Variants in ZNF646 observed in about 807,000 individuals in gnomAD.
ZNF646 encodes the protein zinc finger protein 646.
A neutral mutation model predicts 115.4 loss-of-function variants in ZNF646; 49 were observed. That is an observed-to-expected ratio of 0.42 (90% CI 0.34 to 0.54). ZNF646 has a LOEUF of 0.54. Among genes scored for constraint, ZNF646 ranks in the 20% least tolerant of loss-of-function variants. ZNF646 has a pLI of 0.04. For synonymous variants in ZNF646, 933 were observed against 939.0 expected, an observed-to-expected ratio of 0.99 and a Z score of 0.12; for missense variants, 2,269 against 2,457.9, an observed-to-expected ratio of 0.92 and a Z score of 1.62.
intron 2 of ZNF646, 40 bp downstream of exon 2, chr16:31,081,741 A>G (rs1389596223): frequency 6.6e-7 from 1 of 1,524,058 alleles, no homozygotes; most frequent in Non-Finnish European, 8.8e-7. Flanking sequence ...GTGGGCACAC[A>G]GTGGAGGGGG....
Position 31,077,212 on chromosome 16 carries a change from T to C in ZNF646, c.888T>C (p.Cys296=), listed in dbSNP as rs2057088649. Residue 296 remains cysteine, a synonymous_variant, in exon 2 of 3, where the codon TGT becomes TGC. Coordinates refer to ENST00000300850, the MANE Select transcript of ZNF646 (RefSeq NM_014699.4). ...RLHAQYRPYH[C]PHCPRVFRLP... ...ATGCCCAGTATCGGCCTTACCACTG[T>C]CCCCACTGCCCCCGTGTCTTCCGGC... is the stretch of plus-strand genomic sequence containing the variant. 1 of 1,613,874 alleles carries C rather than the reference T, an allele frequency of 6.2e-7. No homozygotes were observed.
In ZNF646 at chr16:31,076,632, G is replaced by C; in HGVS notation, c.308G>C (p.Arg103Pro). 1 of 1,612,814 alleles carries C rather than the reference G, an allele frequency of 6.2e-7. No homozygotes were observed. Among genetic ancestry groups the C allele is most frequent in the Non-Finnish European group, 8.5e-7 (1 of 1,179,752 alleles). ...HMRTHAPEGR[R>P]RHRPPRPKEA... ...AGGACACATGCTCCTGAGGGCCGCCGCAGGCACAGGCCCCCACGCCCCAAG... is the reference window on the plus strand; with the variant it reads ...AGGACACATGCTCCTGAGGGCCGCCCCAGGCACAGGCCCCCACGCCCCAAG... Residue 103 changes from arginine to proline, a missense_variant, in exon 2 of 3, where the codon CGC (arginine) becomes CCC (proline). Arg to Pro is a moderately radical substitution (Grantham distance 103, BLOSUM62 -2). Coordinates refer to ENST00000300850, the MANE Select transcript of ZNF646 (RefSeq NM_014699.4).
chr16:31,077,915 A>G lies in ZNF646; in HGVS notation c.1591A>G (p.Ser531Gly), dbSNP rs1246910570. ...SADIGAEGAP[S>G]HLKVELPPDP... ...AGACATCGGGGCTGAGGGTGCCCCC[A>G]GCCACCTCAAGGTAGAACTCCCGCC... Residue 531 changes from serine (S) to glycine (G), a missense_variant, in exon 2 of 3, where the codon AGC becomes GGC. Transcript: ENST00000300850. The G allele has an allele frequency of 2.5e-6, 4 of 1,613,660 alleles. No homozygotes were observed. Among genetic ancestry groups the G allele is most frequent in the East Asian group, 4.5e-5 (2 of 44,894 alleles).
rs113926102 is a variant in ZNF646 at position 31,079,755 on chromosome 16, C to T, written c.3431C>T (p.Pro1144Leu). Reference protein sequence around the residue: ...NKPQHMAEEGPGQAEVEKLQE... With the variant: ...NKPQHMAEEGLGQAEVEKLQE... Reference sequence around the variant, plus strand: ...CCCCAGCACATGGCAGAGGAGGGGCCGGGGCAAGCAGAAGTCGAGAAGCTC... The same window carrying T: ...CCCCAGCACATGGCAGAGGAGGGGCTGGGGCAAGCAGAAGTCGAGAAGCTC... The change falls in exon 2 of 3, where the codon CCG (proline) becomes CTG (leucine). Residue 1144 changes from proline to leucine, a missense_variant. Around this residue, in one of 5 missense-constraint regions of ZNF646, gnomAD observed 1,062 missense variants for 1,172.8 expected, o/e 0.91. Transcript: ENST00000300850. This position sits in a 1 kb window ranked among gnomAD's most constrained non-coding sequence, Gnocchi z 5.5. 4.5e-3 allele frequency: 7,328 copies of T among 1,613,378 alleles called. 35 individuals are homozygous for T. Among genetic ancestry groups the T allele is most frequent in the Non-Finnish European group, 5.3e-3 (6,232 of 1,179,930 alleles).
chr16:31,083,032 C>G lies in ZNF646; in HGVS notation c.5439C>G (p.Pro1813=). ...TGCCATTGCCCCCTCCACCCACCCC[C>G]ACGACCCCACTCCTGGATCCTTCAC... ...GDLPLPPPPT[P]TTPLLDPSPQ... is the part of the protein sequence containing the mutation. Residue 1813 remains proline, a synonymous_variant, in exon 3 of 3, where the codon CCC becomes CCG. Coordinates refer to ENST00000300850, the MANE Select transcript of ZNF646 (RefSeq NM_014699.4). 1 of 1,600,038 alleles carries G rather than the reference C, an allele frequency of 6.2e-7. No homozygotes were observed. The highest frequency in any genetic ancestry group is 8.5e-7 in the Non-Finnish European group (1 of 1,175,344).
rs759674730 is a variant in ZNF646 at position 31,082,967 on chromosome 16, C to A, written c.5378-4C>A. The A allele has an allele frequency of 6.3e-7, 1 of 1,582,100 alleles. No individual in the cohort carries two copies. Among genetic ancestry groups the A allele is most frequent in the East Asian group, 2.3e-5 (1 of 43,482 alleles). The stretch of plus-strand genomic sequence containing the variant: ...TTGGTGACCTCCTCTCTCTCTCCCC[C>A]CAGGAGCCCCAGTGGCACCAGTGAC... On this transcript the variant is annotated splice_polypyrimidine_tract_variant and splice_region_variant and intron_variant, in intron 2 of 2. Coordinates refer to ENST00000300850, the MANE Select transcript of ZNF646 (RefSeq NM_014699.4).
At position 31,076,755 on chromosome 16, in the gene ZNF646, C is replaced by A. The variant is rs1567405814; in HGVS notation, c.431C>A (p.Thr144Lys). Residue 144 changes from threonine to lysine, a missense_variant, in exon 2 of 3, where the codon ACA (threonine) becomes AAA (lysine). This residue lies in a region of ZNF646 where 334 missense variants were observed against 323.5 expected (regional missense o/e 1.03). Coordinates refer to ENST00000300850, the MANE Select transcript of ZNF646 (RefSeq NM_014699.4). ...GGCTGGGAAAACCAGACAAAACATA[C>A]AGAAGAGACACCTGACTGTGAATCT... ...SEGWENQTKHTEETPDCESVP... is the reference protein window; with the variant it reads ...SEGWENQTKHKEETPDCESVP... The A allele has an allele frequency of 6.2e-7, 1 of 1,613,824 alleles. No homozygotes were observed. Among genetic ancestry groups the A allele is most frequent in the African/African-American group, 1.3e-5 (1 of 75,056 alleles).
chr16:31,077,811 T>C lies in ZNF646; in HGVS notation c.1487T>C (p.Leu496Pro). ...SHRTGEYQCS[L>P]CPRKYPNLMA... The stretch of plus-strand genomic sequence containing the variant: ...CGGACTGGAGAGTACCAGTGCTCAC[T>C]CTGTCCCCGCAAGTACCCCAATCTC... The change falls in exon 2 of 3, where the codon CTC (leucine) becomes CCC (proline). Residue 496 changes from leucine to proline, a missense_variant. By Grantham distance (98) the Leu-to-Pro change is moderately conservative (BLOSUM62 -3). This residue lies in a region of ZNF646 where 852 missense variants were observed against 900.2 expected (regional missense o/e 0.95). Coordinates refer to ENST00000300850, the MANE Select transcript of ZNF646 (RefSeq NM_014699.4). The C allele has an allele frequency of 6.2e-7, 1 of 1,613,898 alleles. No homozygotes were observed. Among genetic ancestry groups the C allele is most frequent in the Non-Finnish European group, 8.5e-7 (1 of 1,180,024 alleles).
chr16:31,079,126 G>A lies in ZNF646; in HGVS notation c.2802G>A (p.Gln934=), dbSNP rs556758499. The A allele has an allele frequency of 3.1e-6, 5 of 1,600,470 alleles. No homozygotes were observed. The highest frequency in any genetic ancestry group is 2.2e-5 in the East Asian group (1 of 44,634). The change falls in exon 2 of 3, where the codon CAG becomes CAA. Residue 934 remains glutamine, a synonymous_variant. Coordinates refer to ENST00000300850, the MANE Select transcript of ZNF646 (RefSeq NM_014699.4). This position sits in a 1 kb window ranked among gnomAD's most constrained non-coding sequence, Gnocchi z 5.5. ...EAAPARSPPL[Q]LSEAELLNQL... is the part of the protein sequence containing the mutation. ...CCCCTGCACGCAGTCCACCACTGCAGCTCTCGGAAGCAGAGCTGCTGAATC... is the reference window on the plus strand; with the variant it reads ...CCCCTGCACGCAGTCCACCACTGCAACTCTCGGAAGCAGAGCTGCTGAATC...
chr16:31,079,887 C>T lies in ZNF646; in HGVS notation c.3563C>T (p.Thr1188Ile). ...KGEEIEPRLETAEKGCQTEAS... is the reference protein window; with the variant it reads ...KGEEIEPRLEIAEKGCQTEAS... ...GAGGAGATAGAGCCCAGGCTGGAGA[C>T]TGCCGAGAAGGGCTGCCAGACTGAA... The change falls in exon 2 of 3, where the codon ACT becomes ATT. Residue 1188 changes from threonine (T) to isoleucine (I), a missense_variant. Physicochemically the swap from Thr to Ile is moderately conservative, Grantham distance 89 (BLOSUM62 -1). This residue lies in a region of ZNF646 where 1,062 missense variants were observed against 1,172.8 expected (regional missense o/e 0.91). Coordinates refer to ENST00000300850, the MANE Select transcript of ZNF646 (RefSeq NM_014699.4). The surrounding 1 kb of genome is among the most constrained non-coding windows in gnomAD (Gnocchi z 5.5). 1.9e-6 allele frequency: 3 copies of T among 1,611,912 alleles called. No homozygotes were observed. The highest frequency in any genetic ancestry group is 4.5e-5 in the East Asian group (2 of 44,840).
Position 31,076,879 on chromosome 16 carries a change from C to G in ZNF646, c.555C>G (p.Asp185Glu). ...ACCCAGGTCCTGAGGATGGTGCAGACGGCTGGGGACCCTCCACTAACTCTG... is the reference window on the plus strand; with the variant it reads ...ACCCAGGTCCTGAGGATGGTGCAGAGGGCTGGGGACCCTCCACTAACTCTG... Reference protein sequence around the residue: ...ASHPGPEDGADGWGPSTNSAR... With the variant: ...ASHPGPEDGAEGWGPSTNSAR... Residue 185 changes from aspartate (D) to glutamate (E), a missense_variant, in exon 2 of 3, where the codon GAC becomes GAG. Asp to Glu is a conservative substitution (Grantham distance 45). Transcript: ENST00000300850. 1 of 1,614,074 alleles carries G rather than the reference C, an allele frequency of 6.2e-7. No individual in the cohort carries two copies. Among genetic ancestry groups the G allele is most frequent in the Non-Finnish European group, 8.5e-7 (1 of 1,180,010 alleles).
Position 31,080,709 on chromosome 16 carries a change from CAGGTGGGTGGCCGGT to C in ZNF646, c.4393_4407del (p.Trp1465_Gly1469del). The C allele has an allele frequency of 6.2e-7, 1 of 1,613,792 alleles. No individual in the cohort carries two copies. Among genetic ancestry groups the C allele is most frequent in the East Asian group, 2.2e-5 (1 of 44,876 alleles). ...CCACTGTCCTGGGGTGCAGGGAAGG[CAGGTGGGTGGCCGGT>C]AGGTGGGGGACTGGGGAATCATAGT... On this transcript the variant is annotated inframe_deletion, in exon 2 of 3. Coordinates refer to ENST00000300850, the MANE Select transcript of ZNF646 (RefSeq NM_014699.4).
At chr16:31,076,117 T>TCTA (rs1235164498) in intron 1 of ZNF646, 129 bp from the exon 2 acceptor site, 7 of 564,950 alleles carry the variant, frequency 1.2e-5, no homozygotes, top group Admixed American at 3.5e-5. Flanking sequence ...TTGGATCTAG[T>TCTA]AGAAATTAGG....
Position 31,083,565 on chromosome 16 carries a change from G to T in ZNF646, c.*473G>T. On this transcript the variant is annotated 3_prime_UTR_variant, in exon 3 of 3. Coordinates refer to ENST00000300850, the MANE Select transcript of ZNF646 (RefSeq NM_014699.4). The stretch of plus-strand genomic sequence containing the variant: ...GGTAAAGGAGGAGGAAAGCTGAGAC[G>T]CCTGCTTGGTAGCAGAGTTGGGTGT... The T allele has an allele frequency of 7.0e-7, 1 of 1,436,312 alleles. No homozygotes were observed. The highest frequency in any genetic ancestry group is 9.2e-7 in the Non-Finnish European group (1 of 1,091,122). The allele number at this position is 1,436,312 out of a possible 1,614,324, so 89.0% of individuals were successfully genotyped here. A position where few individuals can be genotyped will look rare whatever the true frequency, so the allele number is the denominator to read the frequency against.
rs1181016112 is a variant in ZNF646 at position 31,080,881 on chromosome 16, A to C, written c.4557A>C (p.Arg1519Ser). The C allele has an allele frequency of 3.1e-6, 5 of 1,614,120 alleles. No homozygotes were observed. The Admixed American group carries it at 8.3e-5, about 27-fold the overall frequency. Residue 1519 changes from arginine (R) to serine (S), a missense_variant, in exon 2 of 3, where the codon AGA becomes AGC. Transcript: ENST00000300850. The part of the protein sequence containing the change: ...TLSHMDSWDN[R>S]DNSSQLQPGS... ...GTCACATGGATAGCTGGGACAACAG[A>C]GACAACAGCTCTCAGCTGCAGCCAG...
Position 31,083,608 on chromosome 16 carries a change from C to A in ZNF646, c.*516C>A. The stretch of plus-strand genomic sequence containing the variant: ...TTGGGTGTGGGAGTGTCCACAGACA[C>A]CCCTGTCCTGCAGGGTGGGGAGTGG... On this transcript the variant is annotated 3_prime_UTR_variant, in exon 3 of 3. Transcript: ENST00000300850. 6.7e-7 allele frequency: 1 copy of A among 1,490,364 alleles called. No individual in the cohort carries two copies. Among genetic ancestry groups the A allele is most frequent in the Non-Finnish European group, 9.0e-7 (1 of 1,114,210 alleles). The allele number at this position is 1,490,364 out of a possible 1,614,324, so 92.3% of individuals were successfully genotyped here.
At position 31,083,966 on chromosome 16, in the gene ZNF646, C is replaced by G. The variant is rs1406218422; in HGVS notation, c.*874C>G. 4.0e-6 allele frequency: 6 copies of G among 1,502,908 alleles called. No individual in the cohort carries two copies. The highest frequency in any genetic ancestry group is 5.4e-6 in the Non-Finnish European group (6 of 1,121,226). The allele number at this position is 1,502,908 out of a possible 1,614,324, so 93.1% of individuals were successfully genotyped here. ...GTTGAGCAGCCTGCTCCAAGTCACACGATGACAAAGAACCAGAATCTGAAT... is the reference window on the plus strand; with the variant it reads ...GTTGAGCAGCCTGCTCCAAGTCACAGGATGACAAAGAACCAGAATCTGAAT... On this transcript the variant is annotated 3_prime_UTR_variant, in exon 3 of 3. Coordinates refer to ENST00000300850, the MANE Select transcript of ZNF646 (RefSeq NM_014699.4).
chr16:31,077,578 C>T lies in ZNF646; in HGVS notation c.1254C>T (p.Asn418=). ...TGTTCAATGCGGCTGCCCTCAAAAA[C>T]CATGTGCGGGCTCATCACAGGCCCA... ...KQLFNAAALK[N]HVRAHHRPRQ... The change falls in exon 2 of 3, where the codon AAC becomes AAT. Residue 418 remains asparagine (N), a synonymous_variant. Coordinates refer to ENST00000300850, the MANE Select transcript of ZNF646 (RefSeq NM_014699.4). The T allele has an allele frequency of 6.2e-7, 1 of 1,613,548 alleles. No homozygotes were observed. The highest frequency in any genetic ancestry group is 8.5e-7 in the Non-Finnish European group (1 of 1,179,776).
intron 1 of ZNF646, chr16:31,074,885 G>T (rs1341955501): frequency 6.6e-6 from 1 of 152,136 alleles, no homozygotes; most frequent in Non-Finnish European, 1.5e-5. Flanking sequence ...TTGTACTGGG[G>T]TCCCATGGGA....
Sources: allele counts gnomAD v4.1 joint callset, GRCh38; gene constraint gnomAD v4.1.1; regional missense constraint gnomAD v4.1.1; non-coding constraint Gnocchi (gnomAD v3.1); transcripts MANE v1.5; gene names NCBI Gene and HGNC (gene_info 2026-07-23, HGNC 2026-07-21).